The following HNRNPA2B1 variants were observed in gnomAD, a reference collection of about 807,000 sequenced individuals.
HNRNPA2B1 encodes heterogeneous nuclear ribonucleoproteins A2/B1.
HNRNPA2B1 carries 3 observed loss-of-function variants against 46.3 expected under a neutral mutation model. The ratio of observed to expected loss-of-function variants is 0.06; its 90% CI spans 0.03 to 0.17. The LOEUF is 0.17. Among genes scored for constraint, HNRNPA2B1 ranks in the 10% least tolerant of loss-of-function variants. The probability of loss-of-function intolerance (pLI) is 1.00; values close to 1 mark genes in which losing one functional copy is unlikely to be tolerated. For missense variants in HNRNPA2B1, 221 were observed against 418.9 expected (o/e 0.53, Z 4.12); for synonymous variants, 225 against 133.8 (o/e 1.68, Z -4.70).
chr7:26,193,240 T>G lies in HNRNPA2B1; in HGVS notation c.964+11A>C. The stretch of plus-strand genomic sequence containing the variant: ...ACAAAAATCTGAATAACCTCAATTT[T>G]TATAAATTACCTCCACCATATGGTC... On this transcript the variant is annotated intron_variant, in intron 9 of 10. Transcript: ENST00000618183. The G allele has an allele frequency of 1.2e-6, 2 of 1,604,686 alleles. No individual in the cohort carries two copies. Among genetic ancestry groups the G allele is most frequent in the Non-Finnish European group, 1.7e-6 (2 of 1,177,342 alleles).
intron 7 of HNRNPA2B1, among the ~76,000 whole-genome samples, chr7:26,194,954 C>T (rs756317804): frequency 8.6e-5 from 13 of 151,352 alleles, no homozygotes; most frequent in Non-Finnish European, 1.3e-4. Context: ...ATTAGCTGGG[C>T]GTGGTGGTGC....
chr7:26,197,814 A>G (rs1554334643), intron 1 of HNRNPA2B1, 82 bp from the exon 2 acceptor site: 3 of 1,604,900 alleles, frequency 1.9e-6, no homozygotes, highest in Non-Finnish European at 2.6e-6. Flanking sequence ...ATATGAGGTG[A>G]CCTGCTGGCA....
rs566637719 is a variant in HNRNPA2B1, at chr7:26,196,676, G to C, written c.476-18C>G. 3.8e-6 allele frequency: 6 copies of C among 1,599,524 alleles called. No individual in the cohort carries two copies. In the Admixed American group the frequency reaches 1.0e-4, roughly 27 times the overall value. On this transcript the variant is annotated intron_variant, in intron 4 of 10. Coordinates refer to ENST00000618183, the MANE Select transcript of HNRNPA2B1 (RefSeq NM_002137.4). ...TTTCTGCACTGGAATGAAAAATTCA[G>C]ACTCCTTTTAAATTAAATCAACAAT...
intron 1 of HNRNPA2B1, chr7:26,198,149 A>G (rs1783874540): frequency 3.4e-6 from 1 of 291,658 alleles, no homozygotes; most frequent in Admixed American, 5.0e-5. Flanking sequence ...TCTATTTTTA[A>G]ACATCAGAAA....
rs200929422 is a variant in HNRNPA2B1, at chr7:26,196,449, C to T, written c.610G>A (p.Gly204Ser). The T allele has an allele frequency of 2.3e-4, 371 of 1,614,012 alleles. No individual in the cohort carries two copies. The highest frequency in any genetic ancestry group is 2.2e-3 in the Admixed American group (130 of 60,002). The change falls in exon 6 of 11, where the codon GGT becomes AGT. Residue 204 changes from glycine to serine, a missense_variant. Gly to Ser is a moderately conservative substitution (Grantham distance 56, BLOSUM62 0). Transcript: ENST00000618183. ...NFGFGDSRGG[G>S]GNFGPGPGSN... ...CCTGGTCCTGGTCCGAAATTTCCAC[C>T]GCCACCACGTGAATCCCCAAAGCCA...
chr7:26,193,002 A>T (rs920481066), intron 9 of HNRNPA2B1, among the ~76,000 whole-genome samples: 2 of 152,176 alleles, frequency 1.3e-5, no homozygotes, highest in Admixed American at 1.3e-4. Flanking sequence ...TTAGCTGTTT[A>T]TGAGTCCCCA....
chr7:26,193,795 A>G (rs1353293697), intron 7 of HNRNPA2B1, 101 bp from the exon 8 acceptor site: 1 of 1,014,406 alleles, frequency 9.9e-7, no homozygotes, highest in Non-Finnish European at 1.5e-6. Context: ...TCCATGTGAA[A>G]TATTTAATGA....
chr7:26,196,414 A>G lies in HNRNPA2B1; in HGVS notation c.645T>C (p.Phe215=), dbSNP rs117082250. ...GNFGPGPGSN[F]RGGSDGYGSG... is the part of the protein sequence containing the mutation. ...CTTGAAACTCACCAGATCCTCCTCT[A>G]AAGTTACTTCCTGGTCCTGGTCCGA... The change falls in exon 6 of 11, where the codon TTT becomes TTC. Residue 215 remains phenylalanine (F), a synonymous_variant. Coordinates refer to ENST00000618183, the MANE Select transcript of HNRNPA2B1 (RefSeq NM_002137.4). The G allele has an allele frequency of 6.6e-3, 10,695 of 1,613,720 alleles. 58 individuals are homozygous for G. Among genetic ancestry groups the G allele is most frequent in the Non-Finnish European group, 8.0e-3 (9,418 of 1,179,610 alleles).
At chr7:26,197,592 T>C (rs774818384) in intron 2 of HNRNPA2B1, 30 bp downstream of exon 2, 9 of 1,575,088 alleles carry the variant, frequency 5.7e-6, no homozygotes, top group South Asian at 4.5e-5. Context: ...AAAAGACTAA[T>C]ATCCAGTAAC....
rs201651457 is a variant in HNRNPA2B1 at position 26,195,831 on chromosome 7, G to A, written c.721+16C>T. ...ATTAGTCACATAAACAAACCAAAAC[G>A]TAGAGGAAAACTGACCTCCAGGTCC... On this transcript the variant is annotated intron_variant, in intron 7 of 10. Coordinates refer to ENST00000618183, the MANE Select transcript of HNRNPA2B1 (RefSeq NM_002137.4). 5.6e-6 allele frequency: 9 copies of A among 1,606,876 alleles called. No individual in the cohort carries two copies. Among genetic ancestry groups the A allele is most frequent in the Non-Finnish European group, 5.9e-6 (7 of 1,177,780 alleles).
intron 1 of HNRNPA2B1, 114 bp downstream of exon 1, chr7:26,200,458 G>A (rs1445988173): frequency 3.8e-6 from 4 of 1,048,648 alleles, no homozygotes; most frequent in South Asian, 2.5e-5. Context: ...CACTGCTACT[G>A]AATTGGTCCG....
At chr7:26,197,264 G>C in intron 3 of HNRNPA2B1, 51 bp downstream of exon 3, 5 of 1,529,944 alleles carry the variant, frequency 3.3e-6, no homozygotes, top group Non-Finnish European at 4.4e-6. Context: ...CTGATTTTCA[G>C]CAGGGCAGCG....
chr7:26,193,200 G>C, intron 9 of HNRNPA2B1, 51 bp downstream of exon 9: 4 of 1,562,214 alleles, frequency 2.6e-6, no homozygotes, highest in Non-Finnish European at 3.5e-6. Flanking sequence ...GTCACAAAAG[G>C]CTAATCCTTT....
At chr7:26,194,229 T>C (rs1403061123) in intron 7 of HNRNPA2B1, among the ~76,000 whole-genome samples, 1 of 152,014 alleles carries the variant, frequency 6.6e-6, no homozygotes, top group African/African-American at 2.4e-5. Context: ...ACCCCATCTC[T>C]ACTAAAAATA....
Position 26,191,358 on chromosome 7 carries a change from TTAAGAG to T in HNRNPA2B1, c.*996_*1001del, listed in dbSNP as rs1782903713. 1 of 152,178 alleles carries T rather than the reference TTAAGAG, an allele frequency of 6.6e-6. No individual in the cohort carries two copies. Among genetic ancestry groups the T allele is most frequent in the Non-Finnish European group, 1.5e-5 (1 of 68,008 alleles). 9.4% of individuals were successfully genotyped at this position (152,178 alleles called of 1,614,324 possible). The stretch of plus-strand genomic sequence containing the variant: ...AAGAACCACTATACTGAAAGACCAT[TTAAGAG>T]TATTAGTTTATCTTTTAGGGAGGAA... On this transcript the variant is annotated 3_prime_UTR_variant, in exon 11 of 11. Transcript: ENST00000618183.
chr7:26,194,180 A>G (rs1283261000), intron 7 of HNRNPA2B1, among the ~76,000 whole-genome samples: 6 of 152,254 alleles, frequency 3.9e-5, no homozygotes, highest in African/African-American at 1.4e-4. Flanking sequence ...ACGGATCACG[A>G]GGTCAAGAGA....
rs1270005660 is a variant in HNRNPA2B1, at chr7:26,197,739, AG to A, written c.7-8del. The A allele has an allele frequency of 6.8e-6, 11 of 1,607,112 alleles. No homozygotes were observed. The highest frequency in any genetic ancestry group is 8.5e-6 in the Non-Finnish European group (10 of 1,176,116). Reference sequence around the variant, plus strand: ...GGAACTGTTCCTTTTCTCTCTGCAAAGGAAAATACCATTTCAATTTTTATTT... The same window carrying A: ...GGAACTGTTCCTTTTCTCTCTGCAAAGAAAATACCATTTCAATTTTTATTT... On this transcript the variant is annotated splice_region_variant and splice_polypyrimidine_tract_variant and intron_variant, in intron 1 of 10. Transcript: ENST00000618183.
At chr7:26,192,931 A>G (rs570625275) in intron 9 of HNRNPA2B1, among the ~76,000 whole-genome samples, 1 of 152,182 alleles carries the variant, frequency 6.6e-6, no homozygotes, top group Admixed American at 6.5e-5. Context: ...TGGTTTAAGG[A>G]TTTAACTTCA....
chr7:26,199,329 C>T (rs1428361571), intron 1 of HNRNPA2B1: 1 of 152,498 alleles, frequency 6.6e-6, no homozygotes, highest in Admixed American at 6.5e-5. Context: ...AATGTTCAAC[C>T]AAGATTGCAA....
Sources: gnomAD v4.1 joint callset for allele counts (sites outside exome capture counted in the v4.1 genomes callset) on GRCh38, gnomAD v4.1.1 for gene constraint, MANE v1.5 for transcripts, NCBI Gene and HGNC (gene_info 2026-07-23, HGNC 2026-07-21) for gene names.